PCDH15: variants seen among roughly 807,000 people sequenced by gnomAD.
PCDH15 encodes the protein protocadherin-15.
A neutral mutation model predicts 178.5 loss-of-function variants in PCDH15; 129 were observed. The observed-to-expected ratio is 0.72, with a 90% confidence interval of 0.63 to 0.84. The LOEUF is 0.84. Ranked by LOEUF, PCDH15 falls within the 40% of genes least tolerant of loss-of-function variation. The pLI is 0.00. For synonymous variants in PCDH15, 800 were observed against 732.0 expected (o/e 1.09, Z -1.50); for missense variants, 2,230 against 2,099.9 (o/e 1.06, Z -1.21).
At chr10:55,165,453 A>G (rs1407367039) in intron 2 of PCDH15, among the ~76,000 whole-genome samples, 9 of 151,928 alleles carry the variant, frequency 5.9e-5, no homozygotes, top group Non-Finnish European at 1.0e-4. Flanking sequence ...TATTATTACT[A>G]AAAGAGAATG....
chr10:55,543,271 C>A (rs1269221898), intron 2 of PCDH15, among the ~76,000 whole-genome samples: 2 of 149,682 alleles, frequency 1.3e-5, no homozygotes, highest in African/African-American at 4.9e-5. Context: ...TATATATATG[C>A]ACAAATTCAT....
At chr10:54,724,344 A>G (rs552347111) in intron 1 of PCDH15, among the ~76,000 whole-genome samples, 199 of 151,796 alleles carry the variant, frequency 1.3e-3, no homozygotes, top group African/African-American at 4.7e-3. Flanking sequence ...TATAGATGCA[A>G]AGATGGAAAT....
intron 35 of PCDH15, among the ~76,000 whole-genome samples, chr10:53,813,451 G>A (rs953190247): frequency 7.2e-5 from 11 of 152,060 alleles, no homozygotes; most frequent in Admixed American, 3.9e-4. Flanking sequence ...ACAAACCCAC[G>A]ATGAACAATA....
chr10:54,421,826 ATATATATATATACACACACAC>A (rs1955437957), intron 3 of PCDH15, among the ~76,000 whole-genome samples: 8 of 79,742 alleles, frequency 1.0e-4, no homozygotes, highest in African/African-American at 1.6e-4. Context: ...GTATATATAT[ATATATATATATACACACACAC>A]TATATATATA....
At chr10:54,237,411 T>C (rs1342404389) in intron 8 of PCDH15, among the ~76,000 whole-genome samples, 3 of 152,150 alleles carry the variant, frequency 2.0e-5, no homozygotes, top group African/African-American at 4.8e-5. Flanking sequence ...AGTCACATTA[T>C]TGCAAATTTC....
chr10:55,405,025 T>C (rs1838162839), intron 2 of PCDH15, among the ~76,000 whole-genome samples: 2 of 151,558 alleles, frequency 1.3e-5, no homozygotes, highest in Admixed American at 6.6e-5. Context: ...CAGAAATATG[T>C]TCTGAACTTG....
At chr10:54,089,940 G>A (rs200017852) in intron 16 of PCDH15, 44 bp downstream of exon 16, 30 of 1,427,530 alleles carry the variant, frequency 2.1e-5, no homozygotes, top group South Asian at 2.3e-5. Flanking sequence ...CTAACAGTAC[G>A]TTGCTGTACA....
At chr10:53,975,414 T>C (rs905178228) in intron 21 of PCDH15, among the ~76,000 whole-genome samples, 1 of 151,764 alleles carries the variant, frequency 6.6e-6, no homozygotes, top group African/African-American at 2.4e-5. Flanking sequence ...TGAATAAGTG[T>C]TTTTTTTCCC....
intron 2 of PCDH15, among the ~76,000 whole-genome samples, chr10:54,927,872 G>A (rs1262765664): frequency 6.6e-6 from 1 of 152,014 alleles, no homozygotes; most frequent in Non-Finnish European, 1.5e-5. Flanking sequence ...ATACCAATAG[G>A]TATTGGTTCT....
chr10:55,020,191 T>C (rs1179728794), intron 2 of PCDH15, among the ~76,000 whole-genome samples: 1 of 150,764 alleles, frequency 6.6e-6, no homozygotes, highest in Non-Finnish European at 1.5e-5. Flanking sequence ...TTGAATAAGC[T>C]TGGATTCAGG....
intron 3 of PCDH15, among the ~76,000 whole-genome samples, chr10:54,512,362 TGTGTGTGTGTG>T (rs2081774245): frequency 1.3e-4 from 11 of 83,958 alleles, no homozygotes; most frequent in East Asian, 9.5e-4. Flanking sequence ...TCTGGCATTG[TGTGTGTGTGTG>T]TGTGTGTGTG....
At chr10:54,938,057 T>C (rs1837950486) in intron 2 of PCDH15, among the ~76,000 whole-genome samples, 1 of 152,102 alleles carries the variant, frequency 6.6e-6, no homozygotes, top group African/African-American at 2.4e-5. Flanking sequence ...TTAAAGAGTG[T>C]TAGATTTTGT....
intron 2 of PCDH15, among the ~76,000 whole-genome samples, chr10:54,585,275 G>T (rs1020465169): frequency 2.6e-5 from 4 of 151,998 alleles, no homozygotes; most frequent in Non-Finnish European, 5.9e-5. Flanking sequence ...TTTCTGATTT[G>T]GTACTCCCCA....
rs190411513 is a variant in PCDH15 at position 55,504,256 on chromosome 10, G to A, written c.-156+123369C>T. Among the ~76,000 whole-genome samples, 40 of 151,396 alleles carry A rather than the reference G, an allele frequency of 2.6e-4. 1 individual carries two copies. Among genetic ancestry groups the A allele is most frequent in the African/African-American group, 9.4e-4 (39 of 41,414 alleles). On this transcript the variant is annotated intron_variant, in intron 2 of 5. Coordinates refer to the PCDH15 transcript ENST00000613346. ...ACTCAGGTGAGGAATGTTGATAATA[G>A]GAAAAGCTATGCAAATGTGGGGCAG...
intron 2 of PCDH15, among the ~76,000 whole-genome samples, chr10:54,902,393 G>T (rs896528144): frequency 1.3e-5 from 2 of 152,104 alleles, no homozygotes; most frequent in Non-Finnish European, 2.9e-5. Flanking sequence ...TTTCTCCCTT[G>T]TCATTCTCGT....
chr10:54,456,932 G>A (rs2076861883), intron 3 of PCDH15, among the ~76,000 whole-genome samples: 1 of 152,096 alleles, frequency 6.6e-6, no homozygotes, highest in Admixed American at 6.6e-5. Context: ...CTTCTGACAT[G>A]ATTGTAAGCT....
chr10:54,215,531 G>A (rs2051922063), intron 9 of PCDH15, among the ~76,000 whole-genome samples: 1 of 152,010 alleles, frequency 6.6e-6, no homozygotes, highest in Non-Finnish European at 1.5e-5. Flanking sequence ...AAATGAAGAA[G>A]ATATTCATAA....
At chr10:54,228,471 G>A (rs2053697723) in intron 9 of PCDH15, among the ~76,000 whole-genome samples, 1 of 152,132 alleles carries the variant, frequency 6.6e-6, no homozygotes, top group Non-Finnish European at 1.5e-5. Context: ...AATTCAAAAT[G>A]AGATTTGGGT....
intron 24 of PCDH15, among the ~76,000 whole-genome samples, chr10:53,939,665 T>C (rs2085880106): frequency 6.6e-6 from 1 of 152,082 alleles, no homozygotes; most frequent in Non-Finnish European, 1.5e-5. Flanking sequence ...TTAACTTCCA[T>C]GAGGGCAGGA....
Sources: gnomAD v4.1 joint callset for allele counts (sites outside exome capture counted in the v4.1 genomes callset) on GRCh38, gnomAD v4.1.1 for gene constraint, MANE v1.5 for transcripts, NCBI Gene and HGNC (gene_info 2026-07-23, HGNC 2026-07-21) for gene names.